LILRA2: variants seen among roughly 807,000 people sequenced by gnomAD.
The protein encoded by LILRA2 is leukocyte immunoglobulin like receptor A2, also known as leukocyte immunoglobulin-like receptor subfamily A member 2.
LILRA2 carries 45 observed loss-of-function variants against 47.9 expected under a neutral mutation model. The observed-to-expected ratio is 0.94, with a 90% CI of 0.74 to 1.20. The LOEUF is 1.20. Ranked by LOEUF, LILRA2 falls within the 50% of genes most tolerant of loss-of-function variation. The probability of loss-of-function intolerance (pLI) is 0.00; values close to 1 mark genes in which losing one functional copy is unlikely to be tolerated. For synonymous variants in LILRA2, 279 were observed against 249.2 expected (o/e 1.12, Z -1.13); for missense variants, 651 against 598.2 (o/e 1.09, Z -0.92).
rs2062343849 is a variant in LILRA2 at position 54,574,980 on chromosome 19, A to ACG, written c.603_604insGC (p.Ser202AlafsTer40). On this transcript the variant is annotated frameshift_variant, in exon 4 of 8. Transcript: ENST00000391738. LOFTEE classifies it high-confidence loss of function. ...TACAGGTGCTATGCTTATGACTCGAACTCTCCCTATGTGTGGTCTCTACCC... is the reference window on the plus strand; with the variant it reads ...TACAGGTGCTATGCTTATGACTCGAACGCTCTCCCTATGTGTGGTCTCTACCC... The ACG allele has an allele frequency of 3.3e-5, 53 of 1,608,826 alleles. No homozygotes were observed. The African/African-American group carries it at 4.6e-4, about 14-fold the overall frequency.
upstream of LILRA2, chr19:54,573,632 G>A (rs751869324): frequency 2.9e-4 from 251 of 864,068 alleles, no homozygotes; most frequent in Non-Finnish European, 4.1e-4. Context: ...AGTGGCTGGG[G>A]GGCAGGAAAG....
rs1043414063 is a variant in LILRA2 at position 54,574,747 on chromosome 19, C to T, written c.369C>T (p.Pro123=). The T allele has an allele frequency of 1.2e-6, 2 of 1,614,088 alleles. No individual in the cohort carries two copies. Among genetic ancestry groups the T allele is most frequent in the Non-Finnish European group, 1.7e-6 (2 of 1,180,020 alleles). The change falls in exon 4 of 8, where the codon CCC becomes CCT. Residue 123 remains proline (P), a synonymous_variant. Coordinates refer to ENST00000391738, the MANE Select transcript of LILRA2 (RefSeq NM_001130917.3). The stretch of plus-strand genomic sequence containing the variant: ...CTCTCCTAGGAGCCTACAGCAAACC[C>T]ACCCTCTCAGCTCTGCCCAGCCCTG... The part of the protein sequence containing the change: ...ELVVTGAYSK[P]TLSALPSPVV...
intron 6 of LILRA2, chr19:54,577,499 G>T (rs1274564602): frequency 3.9e-6 from 5 of 1,289,302 alleles, no homozygotes; most frequent in African/African-American, 1.5e-5. Flanking sequence ...CCACACCTGC[G>T]GGGTCCCTGG....
At chr19:54,573,525 T>C, upstream of LILRA2, 2 of 851,078 alleles carry the variant, frequency 2.3e-6, no homozygotes, top group Non-Finnish European at 3.9e-6. Flanking sequence ...AGGAAGCCTC[T>C]GCTCACCCTC....
Position 54,587,658 on chromosome 19 carries a change from T to C in LILRA2, c.*312T>C, listed in dbSNP as rs149895927. The C allele has an allele frequency of 8.3e-3, 3,619 of 434,310 alleles. No homozygotes were observed. Among genetic ancestry groups the C allele is most frequent in the South Asian group, 0.081 (2,561 of 31,470 alleles). The allele number at this position is 434,310 out of a possible 1,614,324, so 26.9% of individuals were successfully genotyped here. On this transcript the variant is annotated 3_prime_UTR_variant, in exon 8 of 8. Transcript: ENST00000391738. ...TTGGGTCCACACCTCCACACACCTG[T>C]GTGCTCTGGTCCACGGCATGTGACA...
At position 54,589,545 on chromosome 19, in the gene LILRA2, T is replaced by C. The variant is rs904126542; in HGVS notation, c.*2199T>C. 1 of 152,154 alleles carries C rather than the reference T, an allele frequency of 6.6e-6. No individual in the cohort carries two copies. The highest frequency in any genetic ancestry group is 6.5e-5 in the Admixed American group (1 of 15,268). 9.4% of individuals were successfully genotyped at this position (152,154 alleles called of 1,614,324 possible). A position where few individuals can be genotyped will look rare whatever the true frequency, so the allele number is the denominator to read the frequency against. ...TTTAACCAAAGAGATGCAATACGTA[T>C]ACATTGACAATTTTAAAATACTGCT... On this transcript the variant is annotated 3_prime_UTR_variant, in exon 8 of 8. Coordinates refer to ENST00000391738, the MANE Select transcript of LILRA2 (RefSeq NM_001130917.3).
At position 54,589,287 on chromosome 19, in the gene LILRA2, C is replaced by A. The variant is rs1344396832; in HGVS notation, c.*1941C>A. ...ATTTCAACGTGTATATTAGGGGGAA[C>A]AAGTCAATTTATGACAGTGTCTACA... On this transcript the variant is annotated 3_prime_UTR_variant, in exon 8 of 8. Transcript: ENST00000391738. 1 of 151,972 alleles carries A rather than the reference C, an allele frequency of 6.6e-6. No homozygotes were observed. The allele number at this position is 151,972 out of a possible 1,614,324, so 9.4% of individuals were successfully genotyped here. A position where few individuals can be genotyped will look rare whatever the true frequency, so the allele number is the denominator to read the frequency against.
chr19:54,586,986 C>T (rs753777699), intron 6 of LILRA2, 24 bp from the exon 7 acceptor site: 7 of 1,599,018 alleles, frequency 4.4e-6, no homozygotes, highest in Non-Finnish European at 3.4e-6. Flanking sequence ...GCTCAGGGCT[C>T]TTCTCCACTG....
At chr19:54,579,345 G>T (rs2062573831) in intron 6 of LILRA2, among the ~76,000 whole-genome samples, 3 of 152,150 alleles carry the variant, frequency 2.0e-5, no homozygotes, top group Non-Finnish European at 4.4e-5. Flanking sequence ...AGTTTTTCTA[G>T]CACCATTTAT....
chr19:54,582,187 T>C (rs1314606932), intron 6 of LILRA2, among the ~76,000 whole-genome samples: 2 of 152,232 alleles, frequency 1.3e-5, no homozygotes, highest in South Asian at 2.1e-4. Flanking sequence ...CAGTATTTTA[T>C]TGAGGAGTTT....
intron 6 of LILRA2, among the ~76,000 whole-genome samples, chr19:54,585,656 G>A (rs1266470456): frequency 3.3e-5 from 5 of 152,244 alleles, no homozygotes; most frequent in Non-Finnish European, 7.3e-5. Flanking sequence ...GAATAGTGCA[G>A]TAGTTGGTCA....
At chr19:54,585,928 G>T (rs192665170) in intron 6 of LILRA2, among the ~76,000 whole-genome samples, 35 of 152,256 alleles carry the variant, frequency 2.3e-4, no homozygotes, top group African/African-American at 8.2e-4. Flanking sequence ...TTTAAAGAAG[G>T]ATAGGTATCC....
chr19:54,576,606 G>T (rs112298778), intron 6 of LILRA2, among the ~76,000 whole-genome samples: 1,835 of 151,792 alleles, frequency 0.012, 1 homozygote, highest in African/African-American at 0.042. Flanking sequence ...GGCTTCCTGG[G>T]GCTTCAGGGA....
Position 54,581,696 on chromosome 19 carries a change from C to T in LILRA2, c.1256-5314C>T, listed in dbSNP as rs369777961. Among the ~76,000 whole-genome samples the T allele has an allele frequency of 7.3e-3, 1,107 of 151,510 alleles. 32 individuals are homozygous for T. The highest frequency in any genetic ancestry group is 0.025 in the African/African-American group (1,039 of 40,840). ...CAAACAAATGGAAGAACATTCCATGCTCATGGGTAAGAAGAATCAATATCG... is the reference window on the plus strand; with the variant it reads ...CAAACAAATGGAAGAACATTCCATGTTCATGGGTAAGAAGAATCAATATCG... On this transcript the variant is annotated intron_variant, in intron 6 of 7. Transcript: ENST00000391738.
chr19:54,587,448 G>T lies in LILRA2; in HGVS notation c.*102G>T. The T allele has an allele frequency of 6.5e-7, 1 of 1,531,626 alleles. No individual in the cohort carries two copies. The highest frequency in any genetic ancestry group is 2.3e-5 in the East Asian group (1 of 43,462). The allele number at this position is 1,531,626 out of a possible 1,614,324, so 94.9% of individuals were successfully genotyped here. A position where few individuals can be genotyped will look rare whatever the true frequency, so the allele number is the denominator to read the frequency against. Reference sequence around the variant, plus strand: ...GGACAATCTAGGACCTACATTATCTGGACTGTATGCTGGTCATTTCTAGAG... The same window carrying T: ...GGACAATCTAGGACCTACATTATCTTGACTGTATGCTGGTCATTTCTAGAG... On this transcript the variant is annotated 3_prime_UTR_variant, in exon 8 of 8. Coordinates refer to ENST00000391738, the MANE Select transcript of LILRA2 (RefSeq NM_001130917.3).
chr19:54,582,203 C>G (rs1422274474), intron 6 of LILRA2, among the ~76,000 whole-genome samples: 1 of 152,130 alleles, frequency 6.6e-6, no homozygotes, highest in African/African-American at 2.4e-5. Flanking sequence ...AGTTTTGCAT[C>G]AATGTTCATC....
chr19:54,577,724 GCA>G (rs2062513610), intron 6 of LILRA2: 16 of 1,244,192 alleles, frequency 1.3e-5, no homozygotes, highest in Non-Finnish European at 1.7e-5. Context: ...GACAAGTCAG[GCA>G]AGTATTCACA....
At chr19:54,573,535 C>A, upstream of LILRA2, 1 of 837,064 alleles carries the variant, frequency 1.2e-6, no homozygotes, top group Non-Finnish European at 2.0e-6. Context: ...TGCTCACCCT[C>A]ATCTGGAAGG....
chr19:54,573,812 C>A lies in LILRA2; in HGVS notation c.-67C>A, dbSNP rs527787084. The A allele has an allele frequency of 1.7e-6, 1 of 577,968 alleles. No individual in the cohort carries two copies. The highest frequency in any genetic ancestry group is 2.6e-5 in the African/African-American group (1 of 38,520). The allele number at this position is 577,968 out of a possible 1,614,324, so 35.8% of individuals were successfully genotyped here. On this transcript the variant is annotated 5_prime_UTR_variant, in exon 1 of 8. Coordinates refer to ENST00000391738, the MANE Select transcript of LILRA2 (RefSeq NM_001130917.3). ...AGCCTCCGAGTGTCCACACCCTGTG[C>A]GTCTCTCTGTCCTGCCAGCACTGAG...
Sources: gnomAD v4.1 joint callset for allele counts (sites outside exome capture counted in the v4.1 genomes callset) on GRCh38, gnomAD v4.1.1 for gene constraint, MANE v1.5 for transcripts, NCBI Gene and HGNC (gene_info 2026-07-23, HGNC 2026-07-21) for gene names.